PDE3A: variants seen among roughly 807,000 people sequenced by gnomAD.
The protein encoded by PDE3A is cGMP-inhibited 3',5'-cyclic phosphodiesterase 3A.
Under a neutral mutation model 98.3 loss-of-function variants are expected in PDE3A, and 43 were observed. The observed-to-expected ratio is 0.44, with a 90% CI of 0.34 to 0.56. The LOEUF (loss-of-function observed/expected upper bound fraction) is 0.56. Among genes scored for constraint, PDE3A ranks in the 20% least tolerant of loss-of-function variants. The probability of loss-of-function intolerance (pLI) is 0.01; values close to 1 mark genes in which losing one functional copy is unlikely to be tolerated. For missense variants in PDE3A, 1,427 were observed against 1,440.7 expected (o/e 0.99, Z 0.15); for synonymous variants, 663 against 567.9 (o/e 1.17, Z -2.38).
intron 15 of PDE3A, among the ~76,000 whole-genome samples, chr12:20,660,207 G>A (rs946293098): frequency 6.6e-6 from 1 of 152,200 alleles, no homozygotes; most frequent in African/African-American, 2.4e-5. Context: ...ATGTGAAGAA[G>A]GATGTTTGCT....
chr12:20,636,377 G>A (rs554980362), intron 8 of PDE3A, among the ~76,000 whole-genome samples: 3 of 152,144 alleles, frequency 2.0e-5, no homozygotes, highest in Non-Finnish European at 4.4e-5. Context: ...AAGTCAGAGA[G>A]ATCGTCAGGT....
At chr12:20,582,635 G>A (rs962960417) in intron 2 of PDE3A, among the ~76,000 whole-genome samples, 7 of 152,078 alleles carry the variant, frequency 4.6e-5, no homozygotes, top group Non-Finnish European at 7.3e-5. Flanking sequence ...TTGCAAGCTA[G>A]ACTCTGAAAC....
chr12:20,448,496 T>G (rs1436811627), intron 1 of PDE3A, among the ~76,000 whole-genome samples: 1 of 152,168 alleles, frequency 6.6e-6, no homozygotes, highest in Non-Finnish European at 1.5e-5. Context: ...AATTCTGTGG[T>G]AGGTATGTTA....
chr12:20,483,571 A>G (rs1945670887), intron 1 of PDE3A, among the ~76,000 whole-genome samples: 1 of 152,184 alleles, frequency 6.6e-6, no homozygotes, highest in Admixed American at 6.5e-5. Context: ...ATATAGAGAG[A>G]TACTTTTATC....
At chr12:20,475,339 T>A (rs903095727) in intron 1 of PDE3A, among the ~76,000 whole-genome samples, 1 of 152,100 alleles carries the variant, frequency 6.6e-6, no homozygotes, top group Non-Finnish European at 1.5e-5. Flanking sequence ...TCATGTGAAG[T>A]TTGTTCTATG....
chr12:20,376,254 G>C (rs1223746266), intron 1 of PDE3A, among the ~76,000 whole-genome samples: 17 of 151,834 alleles, frequency 1.1e-4, no homozygotes, highest in Admixed American at 1.1e-3. Context: ...TAGAGAGAAG[G>C]AAACTGAGAG....
intron 4 of PDE3A, among the ~76,000 whole-genome samples, chr12:20,620,363 G>A (rs1944103855): frequency 6.6e-6 from 1 of 151,998 alleles, no homozygotes; most frequent in African/African-American, 2.4e-5. Context: ...GTGCTTGAAA[G>A]GACACAGGTG....
chr12:20,416,741 A>T lies in PDE3A; in HGVS notation c.960+46497A>T, dbSNP rs188833534. ...CAACCTATCTGATTTCTTAAATTTA[A>T]ATTTCCTGGTTAATTTATTTAGATT... On this transcript the variant is annotated intron_variant, in intron 1 of 15. Transcript: ENST00000359062. Among the ~76,000 whole-genome samples, 24 of 152,314 alleles carry T rather than the reference A, an allele frequency of 1.6e-4. 1 individual carries two copies. The East Asian group carries it at 4.0e-3, about 26-fold the overall frequency.
intron 1 of PDE3A, 123 bp downstream of exon 1, chr12:20,370,367 T>G (rs1412553858): frequency 2.7e-6 from 2 of 735,132 alleles, no homozygotes; most frequent in African/African-American, 1.8e-5. Flanking sequence ...CTGGTCTAAC[T>G]TCAGAATTAA....
At chr12:20,611,025 T>A (rs79144507) in intron 2 of PDE3A, among the ~76,000 whole-genome samples, 2,565 of 151,968 alleles carry the variant, frequency 0.017, 38 homozygotes, top group Middle Eastern at 0.051. Flanking sequence ...CAGATTTTTG[T>A]TAAATAAGGA....
At chr12:20,621,844 A>G (rs988171780) in intron 5 of PDE3A, among the ~76,000 whole-genome samples, 3 of 152,136 alleles carry the variant, frequency 2.0e-5, no homozygotes, top group Non-Finnish European at 4.4e-5. Flanking sequence ...AATTAAGAAT[A>G]ATAAAGCTTT....
chr12:20,664,341 G>A (rs917529223), intron 15 of PDE3A, among the ~76,000 whole-genome samples: 1 of 152,182 alleles, frequency 6.6e-6, no homozygotes, highest in Non-Finnish European at 1.5e-5. Context: ...TCACTTAGAT[G>A]AGGGTACTGA....
chr12:20,586,718 T>C (rs1319907959), intron 2 of PDE3A, among the ~76,000 whole-genome samples: 1 of 152,148 alleles, frequency 6.6e-6, no homozygotes, highest in Non-Finnish European at 1.5e-5. Context: ...AAACAAAAAG[T>C]GAAAAAGCAA....
intron 2 of PDE3A, among the ~76,000 whole-genome samples, chr12:20,585,228 A>C (rs2121356679): frequency 6.6e-6 from 1 of 152,340 alleles, no homozygotes; most frequent in African/African-American, 2.4e-5. Flanking sequence ...TTGCCTCTAA[A>C]TCAGCAGCTA....
At chr12:20,549,842 G>T (rs1208696145) in intron 1 of PDE3A, among the ~76,000 whole-genome samples, 1 of 151,844 alleles carries the variant, frequency 6.6e-6, no homozygotes, top group African/African-American at 2.4e-5. Flanking sequence ...AACACACTTG[G>T]CAAATTTTAC....
At chr12:20,595,940 A>T (rs1296383141) in intron 2 of PDE3A, among the ~76,000 whole-genome samples, 1 of 152,212 alleles carries the variant, frequency 6.6e-6, no homozygotes, top group East Asian at 1.9e-4. Context: ...ATTTAATATC[A>T]ATGTTTTTCC....
Position 20,552,448 on chromosome 12 carries a change from T to G in PDE3A, c.961-4212T>G. ...CAAGAAGCTGGGGCTGACCATGCAG[T>G]ATCCAGAAGGCTACCTGGAAGCCCT... On this transcript the variant is annotated intron_variant, in intron 1 of 15. Coordinates refer to ENST00000359062, the MANE Select transcript of PDE3A (RefSeq NM_000921.5). This position sits in a 1 kb window ranked among gnomAD's most constrained non-coding sequence, Gnocchi z 5.1. 1 of 1,611,988 alleles carries G rather than the reference T, an allele frequency of 6.2e-7. No individual in the cohort carries two copies. Among genetic ancestry groups the G allele is most frequent in the Non-Finnish European group, 8.5e-7 (1 of 1,179,568 alleles).
In PDE3A at chr12:20,552,558, C is replaced by A; in HGVS notation, c.961-4102C>A. 1 of 1,613,624 alleles carries A rather than the reference C, an allele frequency of 6.2e-7. No individual in the cohort carries two copies. The highest frequency in any genetic ancestry group is 8.5e-7 in the Non-Finnish European group (1 of 1,179,780). On this transcript the variant is annotated intron_variant, in intron 1 of 15. Coordinates refer to ENST00000359062, the MANE Select transcript of PDE3A (RefSeq NM_000921.5). This position sits in a 1 kb window ranked among gnomAD's most constrained non-coding sequence, Gnocchi z 5.1. ...GGGGCTTCGCGTCCCCCAGGACGGG[C>A]AAGGGCAAGTGGAAGCGGAAGTCGG...
intron 1 of PDE3A, among the ~76,000 whole-genome samples, chr12:20,386,032 T>A (rs1385393781): frequency 2.1e-5 from 2 of 94,520 alleles, no homozygotes; most frequent in Non-Finnish European, 4.0e-5. Context: ...TATATATAAA[T>A]ATATATAAAA....
Sources: gnomAD v4.1 joint callset for allele counts (sites outside exome capture counted in the v4.1 genomes callset) on GRCh38, gnomAD v4.1.1 for gene constraint, Gnocchi (gnomAD v3.1) non-coding constraint, MANE v1.5 for transcripts, NCBI Gene and HGNC (gene_info 2026-07-23, HGNC 2026-07-21) for gene names.